Variants in NUDT12 observed in about 807,000 individuals in gnomAD.
NUDT12 encodes the protein nudix hydrolase 12, also known as NAD-capped RNA hydrolase NUDT12.
A neutral mutation model predicts 45.7 loss-of-function variants in NUDT12; 42 were observed. That is an observed-to-expected ratio of 0.92 (90% CI 0.72 to 1.19). The LOEUF is 1.19. Among genes scored for constraint, NUDT12 ranks in the 50% most tolerant of loss-of-function variants. The pLI, the probability that NUDT12 is intolerant of heterozygous loss-of-function variation, is 0.00. For missense variants in NUDT12, 590 were observed against 533.1 expected (o/e 1.11, Z -1.05); for synonymous variants, 206 against 179.7 (o/e 1.15, Z -1.17).
Position 103,550,927 on chromosome 5 carries a change from C to T in NUDT12, c.1323G>A (p.Val441=). The T allele has an allele frequency of 1.2e-6, 2 of 1,613,710 alleles. No individual in the cohort carries two copies. The highest frequency in any genetic ancestry group is 2.7e-5 in the African/African-American group (2 of 74,994). Residue 441 remains valine, a synonymous_variant, in exon 7 of 7, where the codon GTG becomes GTA. Coordinates refer to ENST00000230792, the MANE Select transcript of NUDT12 (RefSeq NM_031438.4). ...GATGTGCAATAGCTCGGCTTGGTGG[C>T]ACAAAGAATGCCTGCTGCTTCCCTT... ...LTKGKQQAFF[V]PPSRAIAHQL...
Position 103,556,069 on chromosome 5 carries a change from C to G in NUDT12, c.826G>C (p.Ala276Pro). ...CAAAACTTGTATCGACTGTGCCAGG[C>G]AAGAACAGATCTTGCTTGAGCTACA... ...GVVAQARSVLAWHSRYKFCPT... is the reference protein window; with the variant it reads ...GVVAQARSVLPWHSRYKFCPT... The change falls in exon 4 of 7, where the codon GCC becomes CCC. Residue 276 changes from alanine to proline, a missense_variant. By Grantham distance (27) the Ala-to-Pro change is conservative (BLOSUM62 -1). Coordinates refer to ENST00000230792, the MANE Select transcript of NUDT12 (RefSeq NM_031438.4). 6.2e-7 allele frequency: 1 copy of G among 1,609,808 alleles called. No homozygotes were observed. Among genetic ancestry groups the G allele is most frequent in the Non-Finnish European group, 8.5e-7 (1 of 1,177,814 alleles).
At chr5:103,559,727 T>C (rs544948412) in intron 2 of NUDT12, 39 of 463,194 alleles carry the variant, frequency 8.4e-5, no homozygotes, top group Middle Eastern at 5.7e-4. Flanking sequence ...TTAAGCTTTA[T>C]GCACTATAAA....
At chr5:103,553,832 A>C (rs972133127) in intron 5 of NUDT12, among the ~76,000 whole-genome samples, 3 of 152,048 alleles carry the variant, frequency 2.0e-5, no homozygotes, top group Non-Finnish European at 4.4e-5. Flanking sequence ...TGGAGCAAGA[A>C]CTCAGAAACC....
intron 1 of NUDT12, among the ~76,000 whole-genome samples, chr5:103,561,149 A>G (rs1326117973): frequency 6.6e-6 from 1 of 151,494 alleles, no homozygotes; most frequent in East Asian, 1.9e-4. Context: ...TTTAAGGTAT[A>G]ATTCTTCTTT....
intron 1 of NUDT12, among the ~76,000 whole-genome samples, chr5:103,562,016 CTG>C (rs1356065094): frequency 6.6e-6 from 1 of 152,136 alleles, no homozygotes; most frequent in Non-Finnish European, 1.5e-5. Flanking sequence ...CCCAATTCTA[CTG>C]TTTGATTTAC....
At position 103,559,060 on chromosome 5, in the gene NUDT12, T is replaced by C. The variant is rs1748928892; in HGVS notation, c.615A>G (p.Ile205Met). ...CAGCATAATTAAGTAGTTTGTCTTT[T>C]ATTTCAAGTTCTACTCCAAGAAAAA... ...TLIFLGVELEIKDKLLNYAGE... is the reference protein window; with the variant it reads ...TLIFLGVELEMKDKLLNYAGE... Residue 205 changes from isoleucine (I) to methionine (M), a missense_variant, in exon 3 of 7, where the codon ATA becomes ATG. Ile to Met is a conservative substitution (Grantham distance 10, BLOSUM62 1). Transcript: ENST00000230792. 5 of 1,613,428 alleles carry C rather than the reference T, an allele frequency of 3.1e-6. No homozygotes were observed. Among genetic ancestry groups the C allele is most frequent in the African/African-American group, 1.3e-5 (1 of 74,894 alleles).
In NUDT12 at chr5:103,555,920, A is replaced by C; in HGVS notation, c.964+11T>G. 6.6e-7 allele frequency: 1 copy of C among 1,512,128 alleles called. No individual in the cohort carries two copies. The highest frequency in any genetic ancestry group is 8.9e-7 in the Non-Finnish European group (1 of 1,129,168). 93.7% of individuals were successfully genotyped at this position (1,512,128 alleles called of 1,614,324 possible). A position where few individuals can be genotyped will look rare whatever the true frequency, so the allele number is the denominator to read the frequency against. Reference sequence around the variant, plus strand: ...GATCCAGGTGGCTGAGATATAAAATAAAGGGCTTACCAACTCTTGGGTATG... The same window carrying C: ...GATCCAGGTGGCTGAGATATAAAATCAAGGGCTTACCAACTCTTGGGTATG... On this transcript the variant is annotated intron_variant, in intron 4 of 6. Transcript: ENST00000230792.
intron 6 of NUDT12, among the ~76,000 whole-genome samples, chr5:103,551,263 G>C (rs1748646507): frequency 6.6e-6 from 1 of 151,850 alleles, no homozygotes; most frequent in Non-Finnish European, 1.5e-5. Flanking sequence ...TGGTACCATA[G>C]GTGCACCTGG....
chr5:103,552,461 G>A (rs780289118), intron 5 of NUDT12, 45 bp from the exon 6 acceptor site: 38 of 1,439,314 alleles, frequency 2.6e-5, no homozygotes, highest in Admixed American at 3.4e-5. Flanking sequence ...GAACATGCCC[G>A]GGACACTTTG....
chr5:103,559,497 AAAAGT>A, intron 2 of NUDT12, 29 bp from the exon 3 acceptor site: 1 of 1,236,926 alleles, frequency 8.1e-7, no homozygotes, highest in Non-Finnish European at 1.1e-6. Context: ...ATTGGGGAGA[AAAAGT>A]AAAATAGGAA....
chr5:103,558,362 G>A (rs1748901892), intron 3 of NUDT12, among the ~76,000 whole-genome samples: 1 of 152,046 alleles, frequency 6.6e-6, no homozygotes, highest in East Asian at 1.9e-4. Flanking sequence ...TTGGGCACCT[G>A]TAATACTCAA....
At chr5:103,557,280 G>GGGGTATATATATATATATAT (rs1491335747) in intron 3 of NUDT12, among the ~76,000 whole-genome samples, 1 of 118,894 alleles carries the variant, frequency 8.4e-6, no homozygotes, top group East Asian at 2.6e-4. Flanking sequence ...ATCTTAAAAT[G>GGGGTATATATATATATATAT]ATATATATAT....
Position 103,550,985 on chromosome 5 carries a change from T to C in NUDT12, c.1279-14A>G, listed in dbSNP as rs1167400376. The C allele has an allele frequency of 1.3e-6, 2 of 1,555,634 alleles. No individual in the cohort carries two copies. The highest frequency in any genetic ancestry group is 1.8e-6 in the Non-Finnish European group (2 of 1,127,934). On this transcript the variant is annotated splice_polypyrimidine_tract_variant and intron_variant, in intron 6 of 6. Transcript: ENST00000230792. Reference sequence around the variant, plus strand: ...AACATCCAGGACCTAAAACACACCATAATAGAATGCATTAGGATTTCAAAG... The same window carrying C: ...AACATCCAGGACCTAAAACACACCACAATAGAATGCATTAGGATTTCAAAG...
At chr5:103,558,239 G>T (rs1748894846) in intron 3 of NUDT12, among the ~76,000 whole-genome samples, 1 of 151,634 alleles carries the variant, frequency 6.6e-6, no homozygotes, top group South Asian at 2.1e-4. Context: ...ACTTATAAGG[G>T]TCTCAACCTA....
chr5:103,558,474 T>C (rs563462124), intron 3 of NUDT12, among the ~76,000 whole-genome samples: 67 of 152,242 alleles, frequency 4.4e-4, no homozygotes, highest in African/African-American at 1.5e-3. Context: ...TTTAAAAAAA[T>C]ATTTTAAACA....
chr5:103,556,008 C>A lies in NUDT12; in HGVS notation c.887G>T (p.Gly296Val). The A allele has an allele frequency of 6.2e-7, 1 of 1,611,766 alleles. No homozygotes were observed. Among genetic ancestry groups the A allele is most frequent in the Non-Finnish European group, 8.5e-7 (1 of 1,178,546 alleles). The change falls in exon 4 of 7, where the codon GGT becomes GTT. Residue 296 changes from glycine (G) to valine (V), a missense_variant. Physicochemically the swap from Gly to Val is moderately radical, Grantham distance 109. Transcript: ENST00000230792. ...TTTTAAACATAATCTCTTATAGCCA[C>A]CTTCTTCAATTTTAGTTGCATTTCC... is the stretch of plus-strand genomic sequence containing the variant. ...TCGNATKIEE[G>V]GYKRLCLKED...
At chr5:103,553,976 G>C (rs1015994605) in intron 5 of NUDT12, among the ~76,000 whole-genome samples, 4 of 151,606 alleles carry the variant, frequency 2.6e-5, no homozygotes, top group Non-Finnish European at 5.9e-5. Context: ...GTTGTATAAG[G>C]ATCATACAAA....
chr5:103,559,514 TAAAC>T, intron 2 of NUDT12, 46 bp from the exon 3 acceptor site: 1 of 962,838 alleles, frequency 1.0e-6, no homozygotes, highest in Non-Finnish European at 1.5e-6. Context: ...AAATAGGAAG[TAAAC>T]ACTTTCTCCG....
chr5:103,552,960 G>A (rs1301800842), intron 5 of NUDT12, among the ~76,000 whole-genome samples: 1 of 152,036 alleles, frequency 6.6e-6, no homozygotes, highest in African/African-American at 2.4e-5. Flanking sequence ...CTCTGCTATG[G>A]TAAGTGATGC....
Sources: gnomAD v4.1 joint callset for allele counts (sites outside exome capture counted in the v4.1 genomes callset) on GRCh38, gnomAD v4.1.1 for gene constraint, MANE v1.5 for transcripts, NCBI Gene and HGNC (gene_info 2026-07-23, HGNC 2026-07-21) for gene names.